The following PARM1 variants were observed in gnomAD, a reference collection of about 807,000 sequenced individuals.
PARM1 encodes the protein WSC4, cell wall integrity and stress response component 4 homolog.
In PARM1, 14 loss-of-function variants were observed where a neutral mutation model predicts 24.6. The ratio of observed to expected loss-of-function variants is 0.57; its 90% CI spans 0.38 to 0.89. PARM1 has a LOEUF of 0.89. Ranked by LOEUF, PARM1 falls within the 40% of genes least tolerant of loss-of-function variation. The pLI, the probability that PARM1 is intolerant of heterozygous loss-of-function variation, is 0.00. For synonymous variants in PARM1, 179 were observed against 156.6 expected (o/e 1.14, Z -1.07); for missense variants, 362 against 380.4 (o/e 0.95, Z 0.40).
At chr4:75,003,937 T>G (rs1391774724) in intron 1 of PARM1, among the ~76,000 whole-genome samples, 1 of 152,196 alleles carries the variant, frequency 6.6e-6, no homozygotes, top group African/African-American at 2.4e-5. Context: ...AATGTAAAGA[T>G]GTTAAAACTA....
At chr4:74,994,508 T>G (rs781665891) in intron 1 of PARM1, among the ~76,000 whole-genome samples, 17 of 151,994 alleles carry the variant, frequency 1.1e-4, no homozygotes, top group Non-Finnish European at 2.1e-4. Context: ...GCTAAATAAA[T>G]CAATTAAAAA....
intron 1 of PARM1, among the ~76,000 whole-genome samples, chr4:75,010,530 A>C (rs780046297): frequency 5.3e-5 from 8 of 152,238 alleles, no homozygotes; most frequent in Admixed American, 2.6e-4. Flanking sequence ...ACCACAATAA[A>C]AAATTAAAAA....
At chr4:74,965,472 T>C (rs1403204089) in intron 1 of PARM1, 1 of 152,222 alleles carries the variant, frequency 6.6e-6, no homozygotes, top group Non-Finnish European at 1.5e-5. Context: ...GGGATTTTCA[T>C]TAACTTGTGC....
At chr4:75,014,995 A>G (rs1246339090) in intron 2 of PARM1, among the ~76,000 whole-genome samples, 2 of 152,246 alleles carry the variant, frequency 1.3e-5, no homozygotes, top group South Asian at 2.1e-4. Context: ...TCATCAAAAT[A>G]CAGTGACCAC....
At chr4:74,982,475 G>T (rs1722277205) in intron 1 of PARM1, among the ~76,000 whole-genome samples, 1 of 150,952 alleles carries the variant, frequency 6.6e-6, no homozygotes, top group Non-Finnish European at 1.5e-5. Context: ...TTAAAATTAA[G>T]AAAATAAAAA....
Position 75,048,620 on chromosome 4 carries a change from C to T in PARM1, c.*2373C>T, listed in dbSNP as rs1043633. On this transcript the variant is annotated 3_prime_UTR_variant, in exon 4 of 4. Coordinates refer to ENST00000307428, the MANE Select transcript of PARM1 (RefSeq NM_015393.4). Reference sequence around the variant, plus strand: ...GTAAATCCTGGGGCAAGGGATCAGCCTCTTCCCAGGAACCATCGCCTTCTA... The same window carrying T: ...GTAAATCCTGGGGCAAGGGATCAGCTTCTTCCCAGGAACCATCGCCTTCTA... The T allele has an allele frequency of 0.14, 20,853 of 152,364 alleles. 2,059 individuals are homozygous for T. Among genetic ancestry groups the T allele is most frequent in the African/African-American group, 0.28 (11,473 of 41,468 alleles). The allele number at this position is 152,364 out of a possible 1,614,324, so 9.4% of individuals were successfully genotyped here.
chr4:74,955,982 G>A (rs368639448), intron 1 of PARM1: 3 of 152,298 alleles, frequency 2.0e-5, no homozygotes. Flanking sequence ...AATCAGACTA[G>A]TAGCAAGTAT....
chr4:74,999,556 T>C (rs1722638931), intron 1 of PARM1, among the ~76,000 whole-genome samples: 1 of 152,202 alleles, frequency 6.6e-6, no homozygotes, highest in Non-Finnish European at 1.5e-5. Flanking sequence ...TATATGTTTT[T>C]CCAGTATGCC....
At chr4:75,007,769 G>A (rs947554428) in intron 1 of PARM1, among the ~76,000 whole-genome samples, 1 of 152,146 alleles carries the variant, frequency 6.6e-6, no homozygotes, top group African/African-American at 2.4e-5. Flanking sequence ...GAGATCATGT[G>A]GGTGGGGCCC....
intron 1 of PARM1, among the ~76,000 whole-genome samples, chr4:74,998,468 G>A (rs1162862230): frequency 2.0e-5 from 3 of 152,154 alleles, no homozygotes; most frequent in African/African-American, 7.2e-5. Context: ...TCACCATGGA[G>A]TTTCTTCAAA....
intron 1 of PARM1, among the ~76,000 whole-genome samples, chr4:74,984,422 G>A (rs1309429822): frequency 1.3e-5 from 2 of 152,010 alleles, no homozygotes; most frequent in South Asian, 2.1e-4. Context: ...GAAGGTGGAG[G>A]AGTTCAATAT....
chr4:75,046,643 T>G lies in PARM1; in HGVS notation c.*396T>G, dbSNP rs559385307. ...ATTTCTTAAACTTCTATTTAGGAAA[T>G]TACATTAAGTATTAATGAGGGGAAA... On this transcript the variant is annotated 3_prime_UTR_variant, in exon 4 of 4. Transcript: ENST00000307428. The G allele has an allele frequency of 5.7e-6, 1 of 176,838 alleles. No individual in the cohort carries two copies. Among genetic ancestry groups the G allele is most frequent in the Non-Finnish European group, 1.2e-5 (1 of 82,592 alleles). 11.0% of individuals were successfully genotyped at this position (176,838 alleles called of 1,614,324 possible).
chr4:75,046,323 C>T lies in PARM1; in HGVS notation c.*76C>T. ...CTTATCCAGTAGAATTAATAAGTAC[C>T]TGATGCGCATTGAACGACAATCTTA... On this transcript the variant is annotated 3_prime_UTR_variant, in exon 4 of 4. Transcript: ENST00000307428. 1 of 959,160 alleles carries T rather than the reference C, an allele frequency of 1.0e-6. No homozygotes were observed. Among genetic ancestry groups the T allele is most frequent in the Non-Finnish European group, 1.7e-6 (1 of 605,144 alleles). 59.4% of individuals were successfully genotyped at this position (959,160 alleles called of 1,614,324 possible).
In PARM1 at chr4:75,047,045, A is replaced by G. The variant is rs978841012; in HGVS notation, c.*798A>G. On this transcript the variant is annotated 3_prime_UTR_variant, in exon 4 of 4. Transcript: ENST00000307428. ...AAAAGGCTATGAGATGAGCTGAGTT[A>G]TAGAGAGAAAGGGAGAGGCATGTAC... 2.0e-5 allele frequency: 3 copies of G among 152,508 alleles called. No individual in the cohort carries two copies. Among genetic ancestry groups the G allele is most frequent in the Non-Finnish European group, 4.4e-5 (3 of 68,276 alleles). 9.4% of individuals were successfully genotyped at this position (152,508 alleles called of 1,614,324 possible).
chr4:75,008,858 A>G (rs1270040331), intron 1 of PARM1, among the ~76,000 whole-genome samples: 1 of 152,040 alleles, frequency 6.6e-6, no homozygotes, highest in East Asian at 1.9e-4. Context: ...CGACTAACAG[A>G]CTGAGGCTCT....
chr4:74,984,447 G>T (rs1281972528), intron 1 of PARM1, among the ~76,000 whole-genome samples: 2 of 152,186 alleles, frequency 1.3e-5, no homozygotes, highest in African/African-American at 4.8e-5. Flanking sequence ...ACACATACCT[G>T]TAACCTATTC....
intron 3 of PARM1, among the ~76,000 whole-genome samples, chr4:75,044,551 C>T (rs1430293525): frequency 6.6e-6 from 1 of 152,066 alleles, no homozygotes; most frequent in East Asian, 1.9e-4. Context: ...ATAATCCATA[C>T]CTGCATGGAG....
At chr4:75,001,915 G>A (rs1260351142) in intron 1 of PARM1, among the ~76,000 whole-genome samples, 1 of 152,166 alleles carries the variant, frequency 6.6e-6, no homozygotes, top group East Asian at 1.9e-4. Flanking sequence ...ATGAACTCTG[G>A]CAGTGAAGCC....
intron 2 of PARM1, among the ~76,000 whole-genome samples, chr4:75,033,405 GA>G (rs1218256484): frequency 2.0e-5 from 3 of 151,714 alleles, no homozygotes; most frequent in African/African-American, 4.8e-5. Flanking sequence ...TGAAAAAACC[GA>G]AAAAAACATT....
Sources: allele counts gnomAD v4.1 joint callset (sites outside exome capture counted in the v4.1 genomes callset), GRCh38; gene constraint gnomAD v4.1.1; transcripts MANE v1.5; gene names NCBI Gene and HGNC (gene_info 2026-07-23, HGNC 2026-07-21).